RBMS3: variants seen among roughly 807,000 people sequenced by gnomAD.
RBMS3 encodes the protein RNA binding motif single stranded interacting protein 3.
RBMS3 carries 27 observed loss-of-function variants against 66.8 expected under a neutral mutation model. The observed-to-expected ratio is 0.40, with a 90% CI of 0.30 to 0.56. RBMS3 has a LOEUF of 0.56. Ranked by LOEUF, RBMS3 falls within the 20% of genes least tolerant of loss-of-function variation. The pLI, the probability that RBMS3 is intolerant of heterozygous loss-of-function variation, is 0.40. For synonymous variants in RBMS3, 188 were observed against 183.0 expected (o/e 1.03, Z -0.22); for missense variants, 513 against 549.5 (o/e 0.93, Z 0.66).
intron 4 of RBMS3, among the ~76,000 whole-genome samples, chr3:29,590,437 T>C (rs1210165449): frequency 5.3e-5 from 8 of 152,252 alleles, no homozygotes; most frequent in East Asian, 1.9e-4. Context: ...TAAATCATAA[T>C]ACATGTTTTA....
intron 6 of RBMS3, among the ~76,000 whole-genome samples, chr3:29,797,251 T>C (rs1384515542): frequency 1.3e-5 from 2 of 152,252 alleles, no homozygotes; most frequent in East Asian, 3.8e-4. Flanking sequence ...CATCAGCACT[T>C]GTTTCTTCAC....
At chr3:29,338,449 T>C (rs2036080846) in intron 1 of RBMS3, among the ~76,000 whole-genome samples, 1 of 152,178 alleles carries the variant, frequency 6.6e-6, no homozygotes, top group Admixed American at 6.6e-5. Context: ...AGAATAGTAG[T>C]TCTCAAAGTG....
intron 4 of RBMS3, among the ~76,000 whole-genome samples, chr3:29,592,140 G>GA (rs749821959): frequency 2.0e-5 from 3 of 151,090 alleles, no homozygotes; most frequent in Non-Finnish European, 4.4e-5. Flanking sequence ...ATAAAAAGAT[G>GA]AAAAGTCAAA....
intron 4 of RBMS3, among the ~76,000 whole-genome samples, chr3:29,631,855 T>G (rs2049294246): frequency 6.6e-6 from 1 of 151,856 alleles, no homozygotes; most frequent in South Asian, 2.1e-4. Flanking sequence ...CAAAACTTCT[T>G]TCCTCTGGGT....
At chr3:29,868,228 T>G (rs776973524) in intron 6 of RBMS3, among the ~76,000 whole-genome samples, 12 of 151,674 alleles carry the variant, frequency 7.9e-5, no homozygotes, top group Non-Finnish European at 1.6e-4. Context: ...ACTCACAAGT[T>G]ATAGCCATAT....
chr3:29,991,653 A>G (rs1311267243), intron 14 of RBMS3: 1 of 154,114 alleles, frequency 6.5e-6, no homozygotes, highest in East Asian at 1.9e-4. Flanking sequence ...CCAAACAGTC[A>G]ATGTAGCAGT....
At chr3:29,606,803 A>G (rs1055797611) in intron 4 of RBMS3, among the ~76,000 whole-genome samples, 9 of 152,106 alleles carry the variant, frequency 5.9e-5, no homozygotes, top group Non-Finnish European at 8.8e-5. Flanking sequence ...GCCCATGCCA[A>G]TGTTTCAGAA....
intron 1 of RBMS3, among the ~76,000 whole-genome samples, chr3:29,301,839 G>A (rs1305154264): frequency 6.6e-6 from 1 of 151,924 alleles, no homozygotes; most frequent in Admixed American, 6.6e-5. Context: ...GATGGGGCCT[G>A]AGAACTAGTT....
chr3:29,843,939 G>A (rs1352723721), intron 6 of RBMS3, among the ~76,000 whole-genome samples: 1 of 151,056 alleles, frequency 6.6e-6, no homozygotes, highest in Non-Finnish European at 1.5e-5. Context: ...GAGACAGAAT[G>A]AGACTCTTTC....
At chr3:29,828,079 TGA>T (rs370284060) in intron 6 of RBMS3, among the ~76,000 whole-genome samples, 9 of 150,508 alleles carry the variant, frequency 6.0e-5, no homozygotes, top group Admixed American at 1.3e-4. Context: ...TGTGTGTGTG[TGA>T]GAGAGAGAGA....
At chr3:29,386,029 C>G (rs948221148) in intron 1 of RBMS3, among the ~76,000 whole-genome samples, 1 of 152,184 alleles carries the variant, frequency 6.6e-6, no homozygotes, top group African/African-American at 2.4e-5. Context: ...TTCCAAACTA[C>G]CAATGTCTGT....
Position 29,420,911 on chromosome 3 carries a change from T to C in RBMS3, c.76-13832T>C, listed in dbSNP as rs1219150855. 2.0e-5 allele frequency among the ~76,000 whole-genome samples: 3 copies of C among 148,282 alleles called. No individual in the cohort carries two copies. The South Asian group carries it at 6.4e-4, about 32-fold the overall frequency. ...TGAGGTCAGGAGATTGAGACCATCC[T>C]GGCTAACACGGTGAAACCCCGTCTC... On this transcript the variant is annotated intron_variant, in intron 1 of 14. Coordinates refer to ENST00000383767, the MANE Select transcript of RBMS3 (RefSeq NM_001003793.3).
intron 10 of RBMS3, among the ~76,000 whole-genome samples, chr3:29,911,272 T>G (rs1051563177): frequency 2.0e-5 from 3 of 152,050 alleles, no homozygotes; most frequent in Non-Finnish European, 4.4e-5. Flanking sequence ...CTATTCACCA[T>G]GTGCTGCAGC....
At chr3:29,432,336 G>A (rs2041239549) in intron 1 of RBMS3, among the ~76,000 whole-genome samples, 2 of 152,172 alleles carry the variant, frequency 1.3e-5, no homozygotes, top group African/African-American at 4.8e-5. Flanking sequence ...CTGGTGTGGG[G>A]AATTGGGAAT....
chr3:29,971,471 A>T (rs1697222779), intron 12 of RBMS3, among the ~76,000 whole-genome samples: 1 of 151,956 alleles, frequency 6.6e-6, no homozygotes, highest in African/African-American at 2.4e-5. Context: ...ACTGGTTCAG[A>T]ATTCCTTTTC....
chr3:29,536,582 G>A (rs1052739365), intron 3 of RBMS3, among the ~76,000 whole-genome samples: 1 of 152,098 alleles, frequency 6.6e-6, no homozygotes, highest in African/African-American at 2.4e-5. Context: ...AAGGGGTTAG[G>A]CAAACTTGGA....
At chr3:29,453,798 G>A (rs1258577141) in intron 2 of RBMS3, among the ~76,000 whole-genome samples, 1 of 152,176 alleles carries the variant, frequency 6.6e-6, no homozygotes, top group South Asian at 2.1e-4. Context: ...GGCATTCCAC[G>A]CTAGCCAGGG....
intron 12 of RBMS3, 43 bp from the exon 13 acceptor site, chr3:29,988,100 T>G (rs1004467626): frequency 1.4e-6 from 2 of 1,475,062 alleles, no homozygotes; most frequent in Non-Finnish European, 1.9e-6. Context: ...TCTCACTGGT[T>G]GCAGCTCAAA....
chr3:29,593,022 G>C (rs898392431), intron 4 of RBMS3, among the ~76,000 whole-genome samples: 2 of 95,792 alleles, frequency 2.1e-5, no homozygotes, highest in Non-Finnish European at 4.1e-5. Context: ...ATTGGGGGAG[G>C]GGGGAGGGGG....
Sources: gnomAD v4.1 joint callset for allele counts (sites outside exome capture counted in the v4.1 genomes callset) on GRCh38, gnomAD v4.1.1 for gene constraint, MANE v1.5 for transcripts, NCBI Gene and HGNC (gene_info 2026-07-23, HGNC 2026-07-21) for gene names.